RIN3: variants seen among roughly 807,000 people sequenced by gnomAD.
The protein encoded by RIN3 is RAB5 interacting protein 3.
Under a neutral mutation model 76.3 loss-of-function variants are expected in RIN3, and 54 were observed. That is an observed-to-expected ratio of 0.71 (90% confidence interval 0.57 to 0.89). RIN3 has a LOEUF of 0.89. RIN3 is among the 40% of genes least tolerant of loss of function. The pLI is 0.00. For missense variants in RIN3, 1,256 were observed against 1,322.1 expected (o/e 0.95, Z 0.78); for synonymous variants, 576 against 564.0 (o/e 1.02, Z -0.30).
Position 92,643,520 on chromosome 14 carries a change from C to T in RIN3, c.532+2191C>T, listed in dbSNP as rs766874984. Among the ~76,000 whole-genome samples the T allele has an allele frequency of 5.9e-5, 9 of 152,194 alleles. No individual in the cohort carries two copies. The highest frequency in any genetic ancestry group is 1.0e-4 in the Non-Finnish European group (7 of 68,026). On this transcript the variant is annotated intron_variant, in intron 5 of 9. Coordinates refer to ENST00000216487, the MANE Select transcript of RIN3 (RefSeq NM_024832.5). This position sits in a 1 kb window ranked among gnomAD's most constrained non-coding sequence, Gnocchi z 4.8. ...AGGATCTTGGATGTGGGACAGGTGA[C>T]AGTTTTGTAATTTGCACTTTTGTAA...
At chr14:92,557,034 C>T (rs1748021709) in intron 2 of RIN3, among the ~76,000 whole-genome samples, 2 of 152,228 alleles carry the variant, frequency 1.3e-5, no homozygotes, top group African/African-American at 4.8e-5. Context: ...CCCCTTCTCC[C>T]CTCCTGCAGC....
intron 1 of RIN3, among the ~76,000 whole-genome samples, chr14:92,528,699 A>G (rs956394643): frequency 6.6e-6 from 1 of 152,142 alleles, no homozygotes; most frequent in Non-Finnish European, 1.5e-5. Context: ...CAGTGTGGAG[A>G]TACAGGGCTG....
intron 1 of RIN3, among the ~76,000 whole-genome samples, chr14:92,528,989 A>G (rs1383449227): frequency 6.6e-6 from 1 of 152,096 alleles, no homozygotes; most frequent in African/African-American, 2.4e-5. Flanking sequence ...TACACGGCCC[A>G]TGGTAAGCTG....
rs1376554944 is a variant in RIN3 at position 92,568,439 on chromosome 14, A to G, written c.250-8921A>G. Among the ~76,000 whole-genome samples, 1 of 152,240 alleles carries G rather than the reference A, an allele frequency of 6.6e-6. No homozygotes were observed. Among genetic ancestry groups the G allele is most frequent in the South Asian group, 2.1e-4 (1 of 4,834 alleles). ...CCATAATCTAAAATGTTCTTCAGGCATCACTGCGGCACAGTGATGCTGTTT... is the reference window on the plus strand; with the variant it reads ...CCATAATCTAAAATGTTCTTCAGGCGTCACTGCGGCACAGTGATGCTGTTT... On this transcript the variant is annotated intron_variant, in intron 2 of 9. Transcript: ENST00000216487. The surrounding 1 kb of genome is among the most constrained non-coding windows in gnomAD (Gnocchi z 4.2).
At chr14:92,646,223 A>G (rs1451484777) in intron 5 of RIN3, among the ~76,000 whole-genome samples, 3 of 152,046 alleles carry the variant, frequency 2.0e-5, no homozygotes, top group African/African-American at 7.2e-5. Context: ...AGCCTTGCTC[A>G]CCACTTCCCG....
intron 7 of RIN3, among the ~76,000 whole-genome samples, chr14:92,671,551 G>C (rs953004545): frequency 3.3e-5 from 5 of 152,216 alleles, no homozygotes; most frequent in Non-Finnish European, 7.3e-5. Context: ...AGTGAAATTA[G>C]TAGGAACGTG....
chr14:92,604,052 C>T (rs779140236), intron 3 of RIN3, among the ~76,000 whole-genome samples: 12 of 152,248 alleles, frequency 7.9e-5, no homozygotes, highest in African/African-American at 1.7e-4. Context: ...GCTGGGCAGC[C>T]GTGGACCCTG....
chr14:92,614,891 C>T (rs962439257), intron 3 of RIN3, among the ~76,000 whole-genome samples: 19 of 141,268 alleles, frequency 1.3e-4, no homozygotes, highest in African/African-American at 4.6e-4. Context: ...GTTGCCCAGG[C>T]GAAATGCTGT....
At chr14:92,569,219 G>A (rs1005130031) in intron 2 of RIN3, among the ~76,000 whole-genome samples, 1 of 152,176 alleles carries the variant, frequency 6.6e-6, no homozygotes, top group Admixed American at 6.5e-5. Flanking sequence ...CACACATGGT[G>A]GACAGACTCC....
intron 3 of RIN3, among the ~76,000 whole-genome samples, chr14:92,599,891 C>G (rs1885284633): frequency 6.6e-6 from 1 of 152,200 alleles, no homozygotes. Context: ...CTAGAGAAAT[C>G]TATGACTCTG....
chr14:92,651,143 A>C (rs573094782), intron 5 of RIN3, among the ~76,000 whole-genome samples: 1 of 152,156 alleles, frequency 6.6e-6, no homozygotes, highest in Non-Finnish European at 1.5e-5. Flanking sequence ...ACTGAGGCCT[A>C]GGAAGGTCAA....
At chr14:92,613,462 T>C (rs1056487577) in intron 3 of RIN3, among the ~76,000 whole-genome samples, 14 of 152,248 alleles carry the variant, frequency 9.2e-5, no homozygotes, top group African/African-American at 3.1e-4. Flanking sequence ...TAGACAAATA[T>C]AATTTTTTTA....
In RIN3 at chr14:92,651,889, A is replaced by G. The variant is rs747734154; in HGVS notation, c.840A>G (p.Pro280=). The G allele has an allele frequency of 4.2e-6, 4 of 957,840 alleles. No homozygotes were observed. The highest frequency in any genetic ancestry group is 5.5e-6 in the Non-Finnish European group (4 of 724,184). The allele number at this position is 957,840 out of a possible 1,614,324, so 59.3% of individuals were successfully genotyped here. A position where few individuals can be genotyped will look rare whatever the true frequency, so the allele number is the denominator to read the frequency against. ...SPTSRWAPRR[P]PPPPPVLPLQ... ...CCTCCAGGTGGGCCCCACGCCGCCC[A>G]CCACCCCCTCCCCCAGTGCTGCCCC... Residue 280 remains proline, a synonymous_variant, in exon 6 of 10, where the codon CCA becomes CCG. Coordinates refer to ENST00000216487, the MANE Select transcript of RIN3 (RefSeq NM_024832.5).
At chr14:92,637,316 TCA>T (rs1367676767) in intron 4 of RIN3, among the ~76,000 whole-genome samples, 2 of 151,958 alleles carry the variant, frequency 1.3e-5, no homozygotes, top group African/African-American at 4.8e-5. Context: ...GACCCCTCAC[TCA>T]CATAGTTCAC....
At chr14:92,625,509 G>T (rs1886321598) in intron 4 of RIN3, among the ~76,000 whole-genome samples, 1 of 152,306 alleles carries the variant, frequency 6.6e-6, no homozygotes, top group South Asian at 2.1e-4. Flanking sequence ...GAGGGGAATG[G>T]CTTCAACTCA....
At chr14:92,616,609 A>C (rs1885978091) in intron 4 of RIN3, among the ~76,000 whole-genome samples, 1 of 152,038 alleles carries the variant, frequency 6.6e-6, no homozygotes, top group Non-Finnish European at 1.5e-5. Flanking sequence ...TAACTGCTTC[A>C]TGCTGGCTTG....
At position 92,685,119 on chromosome 14, in the gene RIN3, A is replaced by T. The variant is rs1318196609; in HGVS notation, c.2600A>T (p.Asn867Ile). 6.2e-7 allele frequency: 1 copy of T among 1,613,206 alleles called. No individual in the cohort carries two copies. The highest frequency in any genetic ancestry group is 1.3e-5 in the African/African-American group (1 of 75,060). The change falls in exon 9 of 10, where the codon AAC (asparagine) becomes ATC (isoleucine). Residue 867 changes from asparagine to isoleucine, a missense_variant. By Grantham distance (149) the Asn-to-Ile change is moderately radical. Transcript: ENST00000216487. The surrounding 1 kb of genome is among the most constrained non-coding windows in gnomAD (Gnocchi z 4.7). ...CGCTGGGAGCGCCGGCGTACTCTCAACAAGGCCCGGGCCTCCCGCTCCTCC... is the reference window on the plus strand; with the variant it reads ...CGCTGGGAGCGCCGGCGTACTCTCATCAAGGCCCGGGCCTCCCGCTCCTCC... ...IHRWERRRTL[N>I]KARASRSSVQ...
chr14:92,589,952 A>C (rs1281970114), intron 3 of RIN3, among the ~76,000 whole-genome samples: 1 of 152,218 alleles, frequency 6.6e-6, no homozygotes, highest in Non-Finnish European at 1.5e-5. Flanking sequence ...AATTGGAGAG[A>C]CTAATAGGCA....
intron 5 of RIN3, among the ~76,000 whole-genome samples, chr14:92,649,159 G>A (rs1368607942): frequency 6.6e-6 from 1 of 152,246 alleles, no homozygotes; most frequent in African/African-American, 2.4e-5. Context: ...GGAGAATGGA[G>A]TAGAGGGGGC....
Sources: allele counts gnomAD v4.1 joint callset (sites outside exome capture counted in the v4.1 genomes callset), GRCh38; gene constraint gnomAD v4.1.1; non-coding constraint Gnocchi (gnomAD v3.1); transcripts MANE v1.5; gene names NCBI Gene and HGNC (gene_info 2026-07-23, HGNC 2026-07-21).